The following KAT7 variants were observed in gnomAD, a reference collection of about 807,000 sequenced individuals.
KAT7 encodes the protein lysine acetyltransferase 7, also known as histone acetyltransferase KAT7.
In KAT7, 10 loss-of-function variants were observed where a neutral mutation model predicts 82.1. The ratio of observed to expected loss-of-function variants is 0.12; its 90% confidence interval spans 0.08 to 0.21. The LOEUF (loss-of-function observed/expected upper bound fraction) is 0.21, where lower values mean the gene tolerates loss of function less well. Among genes scored for constraint, KAT7 ranks in the 10% least tolerant of loss-of-function variants. KAT7 has a pLI of 1.00. For missense variants in KAT7, 378 were observed against 760.9 expected (o/e 0.50, Z 5.92); for synonymous variants, 250 against 262.5 (o/e 0.95, Z 0.46).
intron 12 of KAT7, chr17:49,823,516 A>G (rs534249134): frequency 7.3e-5 from 34 of 465,424 alleles, no homozygotes; most frequent in Non-Finnish European, 1.3e-4. Context: ...AGTAGGAGGT[A>G]CAGAGGATGA....
intron 1 of KAT7, among the ~76,000 whole-genome samples, chr17:49,791,615 G>A (rs1191199143): frequency 1.3e-5 from 2 of 152,208 alleles, no homozygotes; most frequent in South Asian, 2.1e-4. Flanking sequence ...CCACGATTGC[G>A]CCCTTGCACT....
chr17:49,815,087 A>G (rs1381957403), intron 7 of KAT7: 1 of 152,098 alleles, frequency 6.6e-6, no homozygotes, highest in Non-Finnish European at 1.5e-5. Flanking sequence ...AAGATTAGGG[A>G]ATTATTTAAG....
At position 49,812,005 on chromosome 17, in the gene KAT7, A is replaced by T. The variant is rs370673000; in HGVS notation, c.852+431A>T. Among the ~76,000 whole-genome samples the T allele has an allele frequency of 1.6e-4, 24 of 152,322 alleles. 1 individual carries two copies. The highest frequency in any genetic ancestry group is 5.3e-4 in the African/African-American group (22 of 41,580). On this transcript the variant is annotated intron_variant, in intron 7 of 14. Transcript: ENST00000259021. The stretch of plus-strand genomic sequence containing the variant: ...TAATTGGGTGAATATTCTGTAATAG[A>T]CCTTCTTGTAGTATTTTAACATTTT...
intron 4 of KAT7, among the ~76,000 whole-genome samples, chr17:49,804,088 T>C (rs887130389): frequency 1.6e-4 from 24 of 151,956 alleles, no homozygotes; most frequent in Middle Eastern, 6.8e-3. Flanking sequence ...AAATGAAAAA[T>C]AGATGAATGG....
chr17:49,829,467 T>C lies in KAT7; in HGVS notation c.*1965T>C, dbSNP rs2074404778. The C allele has an allele frequency of 6.6e-6, 1 of 152,234 alleles. No homozygotes were observed. The highest frequency in any genetic ancestry group is 6.5e-5 in the Admixed American group (1 of 15,282). The allele number at this position is 152,234 out of a possible 1,614,324, so 9.4% of individuals were successfully genotyped here. A position where few individuals can be genotyped will look rare whatever the true frequency, so the allele number is the denominator to read the frequency against. Reference sequence around the variant, plus strand: ...GGGTACAGTTGATGCCTGTAGGAGATGGGAACAGACATTCCTTCTCATCTC... The same window carrying C: ...GGGTACAGTTGATGCCTGTAGGAGACGGGAACAGACATTCCTTCTCATCTC... On this transcript the variant is annotated 3_prime_UTR_variant, in exon 15 of 15. Coordinates refer to ENST00000259021, the MANE Select transcript of KAT7 (RefSeq NM_007067.5).
At chr17:49,802,968 A>G (rs956000086) in intron 4 of KAT7, among the ~76,000 whole-genome samples, 5 of 152,076 alleles carry the variant, frequency 3.3e-5, no homozygotes, top group Admixed American at 3.3e-4. Flanking sequence ...GGAATCACAT[A>G]GTCCTCCTGT....
rs529732910 is a variant in KAT7 at position 49,833,011 on chromosome 17, A to G, written c.*5509A>G. On this transcript the variant is annotated 3_prime_UTR_variant, in exon 15 of 15. Transcript: ENST00000259021. ...GCCTTCTTCCTGTGTGGTATCTGCA[A>G]CAAAATCCCAATGAATGTCACCAAG... 4.6e-5 allele frequency: 7 copies of G among 152,324 alleles called. No homozygotes were observed. The highest frequency in any genetic ancestry group is 1.7e-4 in the African/African-American group (7 of 41,574). The allele number at this position is 152,324 out of a possible 1,614,324, so 9.4% of individuals were successfully genotyped here.
At chr17:49,819,704 T>TTCTTA in intron 9 of KAT7, among the ~76,000 whole-genome samples, 1 of 152,242 alleles carries the variant, frequency 6.6e-6, no homozygotes, top group Non-Finnish European at 1.5e-5. Flanking sequence ...CTTATTCCCG[T>TTCTTA]TGCTTCAGGT....
chr17:49,817,491 A>T (rs991554077), intron 8 of KAT7, among the ~76,000 whole-genome samples: 11 of 152,164 alleles, frequency 7.2e-5, no homozygotes, highest in Non-Finnish European at 1.6e-4. Flanking sequence ...TTATTTTTTT[A>T]AAAAGGAGTT....
In KAT7 at chr17:49,809,121, G is replaced by A. The variant is rs1386308864; in HGVS notation, c.666G>A (p.Val222=). The A allele has an allele frequency of 1.9e-6, 3 of 1,613,666 alleles. No homozygotes were observed. The highest frequency in any genetic ancestry group is 2.5e-6 in the Non-Finnish European group (3 of 1,179,678). Residue 222 remains valine, a splice_region_variant and synonymous_variant, in exon 6 of 15, where the codon GTG becomes GTA. Transcript: ENST00000259021. ...ATTGACGTTGTTGATGGTTGCAGGTGAGAGCACAGAGCCGGGATAAGCAGA... is the reference window on the plus strand; with the variant it reads ...ATTGACGTTGTTGATGGTTGCAGGTAAGAGCACAGAGCCGGGATAAGCAGA... ...YHNLSADECK[V]RAQSRDKQIE...
In KAT7 at chr17:49,826,817, G is replaced by A. The variant is rs750705882; in HGVS notation, c.1734+18G>A. The A allele has an allele frequency of 3.3e-6, 5 of 1,513,888 alleles. No homozygotes were observed. In the East Asian group the frequency reaches 1.1e-4, roughly 34 times the overall value. 93.8% of individuals were successfully genotyped at this position (1,513,888 alleles called of 1,614,324 possible). The stretch of plus-strand genomic sequence containing the variant: ...AGAGACAGGTAAGGTTCTCATCAGG[G>A]GCTTGCTCATTGCTGGATGTCCTTC... On this transcript the variant is annotated intron_variant, in intron 14 of 14. Coordinates refer to ENST00000259021, the MANE Select transcript of KAT7 (RefSeq NM_007067.5).
chr17:49,794,475 AG>A (rs1275274243), intron 2 of KAT7, among the ~76,000 whole-genome samples: 3 of 152,248 alleles, frequency 2.0e-5, no homozygotes, highest in African/African-American at 7.2e-5. Flanking sequence ...TAGTAGAGAC[AG>A]GGTTTCACCG....
At chr17:49,810,401 G>A (rs1456795212) in intron 6 of KAT7, among the ~76,000 whole-genome samples, 3 of 151,954 alleles carry the variant, frequency 2.0e-5, no homozygotes, top group East Asian at 1.9e-4. Flanking sequence ...GGATTACAGG[G>A]GCACGCCACC....
intron 4 of KAT7, among the ~76,000 whole-genome samples, chr17:49,799,615 T>G (rs2073997445): frequency 6.6e-6 from 1 of 152,206 alleles, no homozygotes; most frequent in Non-Finnish European, 1.5e-5. Context: ...GACCTCATGA[T>G]CTGCACGCCT....
chr17:49,821,194 C>T (rs2074299207), intron 9 of KAT7, 143 bp from the exon 10 acceptor site: 1 of 586,814 alleles, frequency 1.7e-6, no homozygotes, highest in Non-Finnish European at 3.0e-6. Flanking sequence ...GAAATAAAAT[C>T]TCTGTTTTGC....
intron 9 of KAT7, among the ~76,000 whole-genome samples, chr17:49,818,984 A>C (rs1365359584): frequency 6.6e-6 from 1 of 151,922 alleles, no homozygotes; most frequent in Non-Finnish European, 1.5e-5. Context: ...TGATCCACCC[A>C]CCTCAGCTTC....
rs891022790 is a variant in KAT7 at position 49,831,667 on chromosome 17, AT to A, written c.*4176del. ...TGGGGATAATGAGTCATATTAAGTAATTTTTTTTTTTGAGACGGAGTTTCGT... is the reference window on the plus strand; with the variant it reads ...TGGGGATAATGAGTCATATTAAGTAATTTTTTTTTTGAGACGGAGTTTCGT... On this transcript the variant is annotated 3_prime_UTR_variant, in exon 15 of 15. Transcript: ENST00000259021. 19 of 148,226 alleles carry A rather than the reference AT, an allele frequency of 1.3e-4. No homozygotes were observed. The highest frequency in any genetic ancestry group is 2.2e-4 in the Non-Finnish European group (15 of 66,810). 9.2% of individuals were successfully genotyped at this position (148,226 alleles called of 1,614,324 possible). A position where few individuals can be genotyped will look rare whatever the true frequency, so the allele number is the denominator to read the frequency against.
rs1398772314 is a variant in KAT7 at position 49,830,100 on chromosome 17, A to T, written c.*2598A>T. On this transcript the variant is annotated 3_prime_UTR_variant, in exon 15 of 15. Coordinates refer to ENST00000259021, the MANE Select transcript of KAT7 (RefSeq NM_007067.5). The stretch of plus-strand genomic sequence containing the variant: ...GTCATGTTGGTCAGGCTGATCTCGA[A>T]CTCCTGACCTCAGGTGATCCGCCCA... 6.7e-6 allele frequency: 1 copy of T among 149,150 alleles called. No individual in the cohort carries two copies. The highest frequency in any genetic ancestry group is 1.5e-5 in the Non-Finnish European group (1 of 67,650). 9.2% of individuals were successfully genotyped at this position (149,150 alleles called of 1,614,324 possible).
At chr17:49,793,573 ATTTTT>A (rs542617795) in intron 2 of KAT7, among the ~76,000 whole-genome samples, 1 of 136,320 alleles carries the variant, frequency 7.3e-6, no homozygotes, top group African/African-American at 2.7e-5. Flanking sequence ...GCTTTGGTTA[ATTTTT>A]TTTTTTTTTT....
Sources: allele counts gnomAD v4.1 joint callset (sites outside exome capture counted in the v4.1 genomes callset), GRCh38; gene constraint gnomAD v4.1.1; transcripts MANE v1.5; gene names NCBI Gene and HGNC (gene_info 2026-07-23, HGNC 2026-07-21).